CCDC102B: variants seen among roughly 807,000 people sequenced by gnomAD.
CCDC102B encodes coiled-coil domain-containing protein 102B.
In CCDC102B, 75 loss-of-function variants were observed where a neutral mutation model predicts 57.4. That is an observed-to-expected ratio of 1.31 (90% CI 1.08 to 1.58). The LOEUF is 1.58. Among genes scored for constraint, CCDC102B ranks in the 40% most tolerant of loss-of-function variants. The probability of loss-of-function intolerance (pLI) is 0.00; values close to 1 mark genes in which losing one functional copy is unlikely to be tolerated. For synonymous variants in CCDC102B, 206 were observed against 201.9 expected, an observed-to-expected ratio of 1.02 and a Z score of -0.17; for missense variants, 636 against 582.6, an observed-to-expected ratio of 1.09 and a Z score of -0.94.
chr18:68,851,722 A>G (rs533356063), intron 4 of CCDC102B, among the ~76,000 whole-genome samples: 277 of 152,266 alleles, frequency 1.8e-3, no homozygotes, highest in Non-Finnish European at 3.1e-3. Context: ...AATCAAAAGA[A>G]AACAGCTCAT....
chr18:68,836,517 A>G (rs1330971916), intron 1 of CCDC102B, among the ~76,000 whole-genome samples: 2 of 151,710 alleles, frequency 1.3e-5, no homozygotes, highest in African/African-American at 4.8e-5. Flanking sequence ...AGTCCGAGCT[A>G]CTCAGTAGAC....
At chr18:68,768,195 G>T (rs1486679009) in intron 2 of CCDC102B, among the ~76,000 whole-genome samples, 2 of 152,136 alleles carry the variant, frequency 1.3e-5, no homozygotes, top group East Asian at 3.8e-4. Flanking sequence ...TTGCATAATA[G>T]GAATTATTAA....
intron 2 of CCDC102B, among the ~76,000 whole-genome samples, chr18:68,765,490 A>C (rs1295993823): frequency 1.3e-5 from 2 of 151,734 alleles, no homozygotes; most frequent in Non-Finnish European, 2.9e-5. Context: ...GAGAGGAAGA[A>C]AGAAAGAAGA....
At chr18:68,750,589 C>T (rs1444233510) in intron 2 of CCDC102B, among the ~76,000 whole-genome samples, 1 of 151,966 alleles carries the variant, frequency 6.6e-6, no homozygotes, top group Admixed American at 6.6e-5. Context: ...GAAAATGTGG[C>T]ACATATACAT....
At chr18:68,957,489 A>C (rs985635744) in intron 6 of CCDC102B, among the ~76,000 whole-genome samples, 1 of 149,178 alleles carries the variant, frequency 6.7e-6, no homozygotes, top group Admixed American at 6.7e-5. Context: ...TTTTTATGTC[A>C]GTACTGTAGT....
At chr18:69,021,094 A>G (rs1421163268) in intron 7 of CCDC102B, among the ~76,000 whole-genome samples, 2 of 152,226 alleles carry the variant, frequency 1.3e-5, no homozygotes, top group Non-Finnish European at 2.9e-5. Context: ...CACAAAGGTG[A>G]AATTTTTCAA....
intron 5 of CCDC102B, among the ~76,000 whole-genome samples, chr18:68,878,116 A>G (rs1386600383): frequency 1.3e-5 from 2 of 152,124 alleles, no homozygotes; most frequent in African/African-American, 4.8e-5. Context: ...GTTTGTTTGG[A>G]GATAGGGTCT....
At chr18:68,931,175 T>A (rs1568337117) in intron 6 of CCDC102B, among the ~76,000 whole-genome samples, 1 of 151,902 alleles carries the variant, frequency 6.6e-6, no homozygotes, top group African/African-American at 2.4e-5. Flanking sequence ...CGCATTGTAT[T>A]GACCAGAGAA....
chr18:68,878,210 C>T (rs2039526395), intron 5 of CCDC102B, among the ~76,000 whole-genome samples: 1 of 152,124 alleles, frequency 6.6e-6, no homozygotes, highest in Admixed American at 6.5e-5. Context: ...AATTCTCTCA[C>T]CTCAGCCTCC....
At chr18:68,890,157 C>CT (rs952741348) in intron 5 of CCDC102B, among the ~76,000 whole-genome samples, 100 of 148,872 alleles carry the variant, frequency 6.7e-4, no homozygotes, top group Admixed American at 2.3e-3. Context: ...CATTGCTTAC[C>CT]TTTTTTTTTT....
chr18:68,897,770 A>T, intron 6 of CCDC102B: 1 of 547,602 alleles, frequency 1.8e-6, no homozygotes, highest in Non-Finnish European at 2.8e-6. Flanking sequence ...TCCAATAAAG[A>T]TTTTTTCATT....
At position 68,956,980 on chromosome 18, in the gene CCDC102B, A is replaced by AT. The variant is rs1389091452; in HGVS notation, c.1264-53947dup. On this transcript the variant is annotated intron_variant, in intron 6 of 7. Coordinates refer to ENST00000360242, the MANE Select transcript of CCDC102B (RefSeq NM_024781.3). ...TGCCAATTTTTTAATCAGATTACTA[A>AT]TTTTTTTCCTTTTGAGTTGTTTGAG... Among the ~76,000 whole-genome samples the AT allele has an allele frequency of 2.0e-5, 3 of 151,758 alleles. No homozygotes were observed. In the East Asian group the frequency reaches 5.8e-4, roughly 29 times the overall value.
chr18:69,014,322 T>C (rs1012147219), intron 7 of CCDC102B, among the ~76,000 whole-genome samples: 2 of 152,164 alleles, frequency 1.3e-5, no homozygotes, highest in Non-Finnish European at 2.9e-5. Flanking sequence ...TATTCTCCAA[T>C]GGCAAATTCA....
At chr18:69,048,597 A>G (rs2052623010) in intron 7 of CCDC102B, among the ~76,000 whole-genome samples, 1 of 152,118 alleles carries the variant, frequency 6.6e-6, no homozygotes, top group Non-Finnish European at 1.5e-5. Context: ...ATTCAGAAAT[A>G]AGACTAAATA....
At chr18:68,960,579 C>T (rs1396081488) in intron 6 of CCDC102B, among the ~76,000 whole-genome samples, 1 of 152,160 alleles carries the variant, frequency 6.6e-6, no homozygotes. Flanking sequence ...AGCACCAGAA[C>T]TTGCCCAGGA....
intron 1 of CCDC102B, among the ~76,000 whole-genome samples, chr18:68,821,896 G>A (rs1451317687): frequency 2.0e-5 from 3 of 151,906 alleles, no homozygotes; most frequent in African/African-American, 7.3e-5. Context: ...AACTCCCTTA[G>A]GAAAGAGCCA....
At chr18:68,851,635 T>A (rs940051720) in intron 4 of CCDC102B, among the ~76,000 whole-genome samples, 2 of 152,208 alleles carry the variant, frequency 1.3e-5, no homozygotes, top group African/African-American at 4.8e-5. Flanking sequence ...AAATGTAGGC[T>A]TTTCAGAATC....
At chr18:68,806,995 A>G (rs1055472626) in intron 1 of CCDC102B, among the ~76,000 whole-genome samples, 9 of 152,186 alleles carry the variant, frequency 5.9e-5, no homozygotes, top group Admixed American at 2.6e-4. Context: ...AAATATCTTC[A>G]TAGCAACCAT....
chr18:68,790,713 A>G (rs1371058131), intron 2 of CCDC102B, among the ~76,000 whole-genome samples: 4 of 152,138 alleles, frequency 2.6e-5, no homozygotes, highest in South Asian at 2.1e-4. Flanking sequence ...GCACCCACTG[A>G]CCTGCGCCCA....
Sources: allele counts gnomAD v4.1 joint callset (sites outside exome capture counted in the v4.1 genomes callset), GRCh38; gene constraint gnomAD v4.1.1; transcripts MANE v1.5; gene names NCBI Gene and HGNC (gene_info 2026-07-23, HGNC 2026-07-21).